CTNNA3: variants seen among roughly 807,000 people sequenced by gnomAD.
CTNNA3 encodes the protein catenin alpha-3.
Under a neutral mutation model 95.7 loss-of-function variants are expected in CTNNA3, and 76 were observed. The ratio of observed to expected loss-of-function variants is 0.79; its 90% CI spans 0.66 to 0.96. The LOEUF is 0.96. Among genes scored for constraint, CTNNA3 ranks in the 40% least tolerant of loss-of-function variants. The pLI, the probability that CTNNA3 is intolerant of heterozygous loss-of-function variation, is 0.00. For synonymous variants in CTNNA3, 431 were observed against 374.4 expected (o/e 1.15, Z -1.74); for missense variants, 1,191 against 1,089.8 (o/e 1.09, Z -1.31).
chr10:67,562,054 A>G (rs138959283), intron 3 of CTNNA3, among the ~76,000 whole-genome samples: 4 of 152,324 alleles, frequency 2.6e-5, no homozygotes, highest in African/African-American at 9.6e-5. Flanking sequence ...AAATTCTACC[A>G]GAGGTACAAG....
chr10:67,040,210 G>T (rs1043217533), intron 7 of CTNNA3, among the ~76,000 whole-genome samples: 5 of 152,120 alleles, frequency 3.3e-5, no homozygotes, highest in Admixed American at 6.6e-5. Flanking sequence ...GAAGACACAG[G>T]TGTTCTCTGT....
chr10:66,474,366 G>T (rs1839247487), intron 11 of CTNNA3, among the ~76,000 whole-genome samples: 1 of 151,942 alleles, frequency 6.6e-6, no homozygotes, highest in African/African-American at 2.4e-5. Flanking sequence ...TCATGATTTT[G>T]CAAATGACAA....
intron 5 of CTNNA3, among the ~76,000 whole-genome samples, chr10:67,347,843 A>AAC (rs1203022643): frequency 2.0e-5 from 3 of 151,242 alleles, no homozygotes; most frequent in South Asian, 2.1e-4. Context: ...AAAAAAAAAA[A>AAC]AAAAACACAA....
chr10:66,284,689 G>A (rs2091554661), intron 12 of CTNNA3, among the ~76,000 whole-genome samples: 1 of 151,838 alleles, frequency 6.6e-6, no homozygotes, highest in South Asian at 2.1e-4. Context: ...TTACAATAAT[G>A]ATCTAAAAAT....
At chr10:66,050,871 A>G (rs569696147) in intron 15 of CTNNA3, among the ~76,000 whole-genome samples, 8 of 151,088 alleles carry the variant, frequency 5.3e-5, no homozygotes, top group African/African-American at 1.9e-4. Flanking sequence ...TTTTTTTTTA[A>G]GAGATGGGGT....
chr10:67,258,606 C>A (rs1866456339), intron 5 of CTNNA3, among the ~76,000 whole-genome samples: 1 of 152,222 alleles, frequency 6.6e-6, no homozygotes, highest in East Asian at 1.9e-4. Flanking sequence ...AAAATAAGAT[C>A]TATCTTTCAA....
At chr10:66,050,784 T>C (rs2079936649) in intron 15 of CTNNA3, among the ~76,000 whole-genome samples, 1 of 152,164 alleles carries the variant, frequency 6.6e-6, no homozygotes, top group South Asian at 2.1e-4. Context: ...GCTCAAATAG[T>C]TCTTCCTTTA....
intron 15 of CTNNA3, among the ~76,000 whole-genome samples, chr10:66,024,580 T>C (rs753563543): frequency 2.0e-5 from 3 of 152,228 alleles, no homozygotes; most frequent in Non-Finnish European, 2.9e-5. Flanking sequence ...TACACTTTCA[T>C]GACCAGTCAA....
chr10:66,070,862 A>T (rs1589324339), intron 14 of CTNNA3, among the ~76,000 whole-genome samples: 2 of 152,136 alleles, frequency 1.3e-5, no homozygotes, highest in South Asian at 4.1e-4. Context: ...CCTTAATAAC[A>T]TCTCAACTCA....
chr10:67,519,850 T>A (rs1839929429), intron 5 of CTNNA3, among the ~76,000 whole-genome samples: 1 of 152,172 alleles, frequency 6.6e-6, no homozygotes, highest in Admixed American at 6.5e-5. Context: ...AAAAACACTT[T>A]CTGGCGTGTG....
rs542300454 is a variant in CTNNA3 at position 67,112,653 on chromosome 10, A to T, written c.1047+67664T>A. 1.9e-3 allele frequency among the ~76,000 whole-genome samples: 286 copies of T among 151,696 alleles called. 1 individual carries two copies. Among genetic ancestry groups the T allele is most frequent in the African/African-American group, 6.5e-3 (270 of 41,326 alleles). On this transcript the variant is annotated intron_variant, in intron 7 of 17. Transcript: ENST00000433211. ...TTTTTTTCTAAATTTCAGAGCAGAGAGGAACATTTCCCTTGAATGTTCCAG... is the reference window on the plus strand; with the variant it reads ...TTTTTTTCTAAATTTCAGAGCAGAGTGGAACATTTCCCTTGAATGTTCCAG...
At chr10:66,242,071 G>A (rs1282635550) in intron 13 of CTNNA3, among the ~76,000 whole-genome samples, 1 of 152,112 alleles carries the variant, frequency 6.6e-6, no homozygotes, top group African/African-American at 2.4e-5. Context: ...GGGGCCTTAA[G>A]ATGATGAGTA....
intron 12 of CTNNA3, among the ~76,000 whole-genome samples, chr10:66,293,286 G>A (rs1039861641): frequency 6.6e-6 from 1 of 152,084 alleles, no homozygotes; most frequent in Non-Finnish European, 1.5e-5. Flanking sequence ...TATATTACCT[G>A]TTATATATTT....
At chr10:66,900,223 G>A (rs780502680) in intron 7 of CTNNA3, among the ~76,000 whole-genome samples, 5 of 152,134 alleles carry the variant, frequency 3.3e-5, no homozygotes, top group Non-Finnish European at 7.4e-5. Flanking sequence ...TGAAACCCAG[G>A]CAAAAGGGGC....
At chr10:66,596,748 C>T (rs544372695) in intron 10 of CTNNA3, among the ~76,000 whole-genome samples, 1 of 151,972 alleles carries the variant, frequency 6.6e-6, no homozygotes, top group Non-Finnish European at 1.5e-5. Flanking sequence ...TGTGAAGACA[C>T]CATCAAACAG....
chr10:67,014,560 C>T (rs1852540322), intron 7 of CTNNA3, among the ~76,000 whole-genome samples: 1 of 152,004 alleles, frequency 6.6e-6, no homozygotes, highest in Non-Finnish European at 1.5e-5. Flanking sequence ...TTATTTTGTA[C>T]TTCAATTCCA....
intron 15 of CTNNA3, among the ~76,000 whole-genome samples, chr10:66,052,567 T>C (rs2079981012): frequency 6.6e-6 from 1 of 152,106 alleles, no homozygotes; most frequent in Non-Finnish European, 1.5e-5. Flanking sequence ...CATTTCAGAG[T>C]AGCAAAAATT....
chr10:67,287,062 G>A (rs1308523063), intron 5 of CTNNA3, among the ~76,000 whole-genome samples: 1 of 152,122 alleles, frequency 6.6e-6, no homozygotes, highest in Non-Finnish European at 1.5e-5. Flanking sequence ...TGCTGGGCCC[G>A]AGCGCGGTGG....
intron 3 of CTNNA3, among the ~76,000 whole-genome samples, chr10:67,588,536 G>GA (rs1842702198): frequency 1.3e-5 from 2 of 151,906 alleles, no homozygotes; most frequent in Non-Finnish European, 2.9e-5. Flanking sequence ...TTTATGGGGG[G>GA]GGGACTGGAT....
Sources: allele counts gnomAD v4.1 joint callset (sites outside exome capture counted in the v4.1 genomes callset), GRCh38; gene constraint gnomAD v4.1.1; transcripts MANE v1.5; gene names NCBI Gene and HGNC (gene_info 2026-07-23, HGNC 2026-07-21).